COL22A1: variants seen among roughly 807,000 people sequenced by gnomAD.
COL22A1 encodes collagen alpha-1(XXII) chain.
In COL22A1, 221 loss-of-function variants were observed where a neutral mutation model predicts 248.9. The ratio of observed to expected loss-of-function variants is 0.89; its 90% CI spans 0.80 to 0.99. The LOEUF (loss-of-function observed/expected upper bound fraction) is 0.99, where lower values mean the gene tolerates loss of function less well. COL22A1 is among the 50% of genes least tolerant of loss of function. The pLI is 0.00. For missense variants in COL22A1, 2,240 were observed against 2,179.0 expected, an observed-to-expected ratio of 1.03 and a Z score of -0.56; for synonymous variants, 891 against 793.4, an observed-to-expected ratio of 1.12 and a Z score of -2.07.
chr8:138,606,809 C>G (rs1818463309), intron 57 of COL22A1, among the ~76,000 whole-genome samples: 1 of 152,162 alleles, frequency 6.6e-6, no homozygotes, highest in Non-Finnish European at 1.5e-5. Context: ...GGCCAAAGCT[C>G]ACTTGGTAGA....
At chr8:138,655,822 C>T (rs1564151145) in intron 45 of COL22A1, 75 bp downstream of exon 45, 1 of 1,287,812 alleles carries the variant, frequency 7.8e-7, no homozygotes, top group Non-Finnish European at 1.1e-6. Context: ...AAAAAAAACC[C>T]CAACTTATTA....
At chr8:138,712,324 A>C (rs1357922537) in intron 30 of COL22A1, among the ~76,000 whole-genome samples, 2 of 152,270 alleles carry the variant, frequency 1.3e-5, no homozygotes, top group East Asian at 3.9e-4. Flanking sequence ...GGTTTGGGGC[A>C]GGTGTTTATA....
At chr8:138,738,935 TAA>T (rs1265722541) in intron 22 of COL22A1, among the ~76,000 whole-genome samples, 4 of 152,092 alleles carry the variant, frequency 2.6e-5, no homozygotes, top group African/African-American at 9.7e-5. Context: ...GAGGATGGAT[TAA>T]GGCTGTTCAA....
At chr8:138,626,116 T>G (rs1820215195) in intron 51 of COL22A1, 74 bp downstream of exon 51, 3 of 1,194,986 alleles carry the variant, frequency 2.5e-6, no homozygotes. Context: ...CAGTGGAATA[T>G]ATTTTTGTTT....
intron 9 of COL22A1, among the ~76,000 whole-genome samples, chr8:138,809,332 C>T (rs1335508574): frequency 6.6e-6 from 1 of 152,052 alleles, no homozygotes; most frequent in African/African-American, 2.4e-5. Flanking sequence ...GTCTTAAAAC[C>T]TCAGTGTACA....
At chr8:138,620,964 TCC>T (rs1819740304) in intron 52 of COL22A1, among the ~76,000 whole-genome samples, 1 of 95,730 alleles carries the variant, frequency 1.0e-5, no homozygotes, top group East Asian at 3.1e-4. Context: ...CATCCATCCA[TCC>T]ATCCATCCAT....
chr8:138,827,062 A>T (rs1475327214), intron 5 of COL22A1: 2 of 413,728 alleles, frequency 4.8e-6, no homozygotes, highest in Non-Finnish European at 9.1e-6. Context: ...CATGACTCTG[A>T]TGACATCCAC....
At chr8:138,751,037 A>G (rs1380410586) in intron 22 of COL22A1, among the ~76,000 whole-genome samples, 1 of 152,246 alleles carries the variant, frequency 6.6e-6, no homozygotes. Flanking sequence ...ATCATATCCA[A>G]TAATGTGCAC....
intron 22 of COL22A1, among the ~76,000 whole-genome samples, chr8:138,746,897 C>G (rs1586638568): frequency 6.6e-6 from 1 of 152,222 alleles, no homozygotes; most frequent in Admixed American, 6.5e-5. Flanking sequence ...GGCCTCCTTC[C>G]TGCAGTCTGT....
chr8:138,709,258 T>C (rs1158140052), intron 30 of COL22A1, among the ~76,000 whole-genome samples: 1 of 152,158 alleles, frequency 6.6e-6, no homozygotes, highest in Admixed American at 6.5e-5. Context: ...GAACTAGAAA[T>C]ACCATTTGAC....
chr8:138,720,468 C>T (rs1194881794), intron 27 of COL22A1, among the ~76,000 whole-genome samples: 3 of 152,050 alleles, frequency 2.0e-5, no homozygotes, highest in Non-Finnish European at 4.4e-5. Context: ...ATAGTGCCTT[C>T]TTCTCCAGCT....
At chr8:138,774,896 G>A (rs376960872) in intron 16 of COL22A1, among the ~76,000 whole-genome samples, 20 of 152,262 alleles carry the variant, frequency 1.3e-4, no homozygotes, top group South Asian at 4.2e-4. Flanking sequence ...CAAACAGGAC[G>A]CAGCATGGAA....
At chr8:138,773,207 G>A (rs1399677470) in intron 16 of COL22A1, among the ~76,000 whole-genome samples, 1 of 152,190 alleles carries the variant, frequency 6.6e-6, no homozygotes, top group East Asian at 1.9e-4. Context: ...AACCACCACA[G>A]GCCCCTGAGT....
intron 61 of COL22A1, 22 bp from the exon 62 acceptor site, chr8:138,596,992 G>A: frequency 1.9e-6 from 3 of 1,602,374 alleles, no homozygotes; most frequent in South Asian, 1.1e-5. Flanking sequence ...GGAAGGTGGA[G>A]TCATTCATCT....
At chr8:138,804,183 G>A (rs1198946870) in intron 10 of COL22A1, among the ~76,000 whole-genome samples, 1 of 152,172 alleles carries the variant, frequency 6.6e-6, no homozygotes, top group Non-Finnish European at 1.5e-5. Flanking sequence ...CCTTGCACCT[G>A]GCAGACTCAG....
At position 138,626,236 on chromosome 8, in the gene COL22A1, T is replaced by G; in HGVS notation, c.3671A>C (p.Glu1224Ala). 1.9e-6 allele frequency: 3 copies of G among 1,608,962 alleles called. No individual in the cohort carries two copies. Among genetic ancestry groups the G allele is most frequent in the Non-Finnish European group, 2.5e-6 (3 of 1,178,076 alleles). Residue 1224 changes from glutamate (E) to alanine (A), a missense_variant, in exon 51 of 65, where the codon GAA (glutamate) becomes GCA (alanine). Physicochemically the swap from Glu to Ala is moderately radical, Grantham distance 107. Coordinates refer to ENST00000303045, the MANE Select transcript of COL22A1 (RefSeq NM_152888.3). ...TGGGCCTTGGGGGCCAGGAGGGCCT[T>G]CTTTCCCCTAAAAGATCCAAGACAT... ...PPGIQGSPGK[E>A]GPPGPQGPSG...
chr8:138,631,655 G>T (rs530953427), intron 49 of COL22A1, among the ~76,000 whole-genome samples: 2 of 149,708 alleles, frequency 1.3e-5, no homozygotes, highest in Middle Eastern at 3.4e-3. Flanking sequence ...TCTTGCATAT[G>T]CTGTTTCTTC....
chr8:138,655,086 T>C (rs1307725590), intron 45 of COL22A1, among the ~76,000 whole-genome samples: 1 of 152,226 alleles, frequency 6.6e-6, no homozygotes, highest in Admixed American at 6.5e-5. Flanking sequence ...ATTTTATTCT[T>C]AGGATGTCCT....
At chr8:138,770,941 A>C (rs1313975739) in intron 16 of COL22A1, among the ~76,000 whole-genome samples, 1 of 152,232 alleles carries the variant, frequency 6.6e-6, no homozygotes, top group African/African-American at 2.4e-5. Context: ...GAACCTTTCT[A>C]AGCCTTTTGT....
Sources: gnomAD v4.1 joint callset for allele counts (sites outside exome capture counted in the v4.1 genomes callset) on GRCh38, gnomAD v4.1.1 for gene constraint, MANE v1.5 for transcripts, NCBI Gene and HGNC (gene_info 2026-07-23, HGNC 2026-07-21) for gene names.